GTF2H3: variants seen among roughly 807,000 people sequenced by gnomAD.
The protein encoded by GTF2H3 is TFIIH basal transcription factor complex p34 subunit.
Under a neutral mutation model 51.1 loss-of-function variants are expected in GTF2H3, and 42 were observed. The ratio of observed to expected loss-of-function variants is 0.82; its 90% CI spans 0.64 to 1.06. The LOEUF is 1.06. Among genes scored for constraint, GTF2H3 ranks in the 50% least tolerant of loss-of-function variants. The pLI is 0.00. For synonymous variants in GTF2H3, 123 were observed against 123.8 expected (o/e 0.99, Z 0.04); for missense variants, 326 against 366.1 (o/e 0.89, Z 0.89).
At chr12:123,642,492 A>T (rs573859342) in intron 2 of GTF2H3, among the ~76,000 whole-genome samples, 1 of 152,088 alleles carries the variant, frequency 6.6e-6, no homozygotes, top group Admixed American at 6.6e-5. Flanking sequence ...TTGTGATTCT[A>T]TTTCCAAAAA....
intron 7 of GTF2H3, among the ~76,000 whole-genome samples, chr12:123,653,003 G>C (rs1205501824): frequency 6.6e-6 from 1 of 152,056 alleles, no homozygotes; most frequent in Middle Eastern, 3.2e-3. Flanking sequence ...GTTTGAACCT[G>C]GGAGGCAGAG....
intron 3 of GTF2H3, among the ~76,000 whole-genome samples, 174 bp downstream of exon 3, chr12:123,645,735 C>T (rs1955437171): frequency 6.6e-6 from 1 of 152,168 alleles, no homozygotes; most frequent in South Asian, 2.1e-4. Context: ...ATGAAATTTG[C>T]AAACCTTATT....
intron 7 of GTF2H3, 67 bp from the exon 8 acceptor site, chr12:123,654,857 T>C: frequency 9.7e-7 from 1 of 1,026,926 alleles, no homozygotes; most frequent in Non-Finnish European, 1.6e-6. Context: ...TCGCAGTATA[T>C]TGTGTGACAT....
At chr12:123,645,707 A>C (rs1399390790) in intron 3 of GTF2H3, 146 bp downstream of exon 3, 1 of 591,444 alleles carries the variant, frequency 1.7e-6, no homozygotes, top group Non-Finnish European at 3.0e-6. Flanking sequence ...GAGCCAGTAC[A>C]TGTACATTGT....
chr12:123,659,985 A>G, intron 11 of GTF2H3, 55 bp downstream of exon 11: 2 of 1,600,764 alleles, frequency 1.2e-6, no homozygotes, highest in Non-Finnish European at 1.7e-6. Flanking sequence ...GCAGGAAAAC[A>G]GTTTCTCAGC....
chr12:123,639,886 T>TATGC (rs1955342506), intron 2 of GTF2H3: 7 of 390,966 alleles, frequency 1.8e-5, no homozygotes, highest in South Asian at 5.1e-5. Context: ...CACTTGTGTG[T>TATGC]ATGCGTGCGT....
chr12:123,654,870 G>T, intron 7 of GTF2H3, 54 bp from the exon 8 acceptor site: 3 of 1,168,456 alleles, frequency 2.6e-6, no homozygotes, highest in Non-Finnish European at 3.9e-6. Flanking sequence ...TGTGACATTG[G>T]TGTGAGAGGA....
intron 2 of GTF2H3, among the ~76,000 whole-genome samples, chr12:123,641,232 C>CT (rs59529596): frequency 0.14 from 20,139 of 146,082 alleles, 2,677 homozygotes; most frequent in African/African-American, 0.35. Flanking sequence ...TTGTGTATTT[C>CT]TTTTTTTTTT....
At chr12:123,638,612 C>T (rs1566222977) in intron 1 of GTF2H3, among the ~76,000 whole-genome samples, 1 of 151,434 alleles carries the variant, frequency 6.6e-6, no homozygotes, top group Admixed American at 6.6e-5. Flanking sequence ...ACCTGGCCCT[C>T]GTTCAGTAGA....
At chr12:123,651,915 G>A (rs1022809058) in intron 5 of GTF2H3, among the ~76,000 whole-genome samples, 16 of 151,874 alleles carry the variant, frequency 1.1e-4, no homozygotes, top group Admixed American at 8.5e-4. Context: ...TCTGCCTTCA[G>A]GAAACACTGC....
chr12:123,654,805 A>G (rs1955566088), intron 7 of GTF2H3, 119 bp from the exon 8 acceptor site: 4 of 725,862 alleles, frequency 5.5e-6, no homozygotes, highest in South Asian at 1.6e-5. Flanking sequence ...TCATTTAACA[A>G]TGATAAATGG....
chr12:123,660,308 G>A lies in GTF2H3; in HGVS notation c.*73G>A. On this transcript the variant is annotated 3_prime_UTR_variant, in exon 13 of 13. Coordinates refer to ENST00000543341, the MANE Select transcript of GTF2H3 (RefSeq NM_001516.5). ...TAGCAGATTCTTTGTTGGGAAGACT[G>A]AAAAAAATAAAGATAGGTATAGGAT... is the stretch of plus-strand genomic sequence containing the variant. 1 of 1,107,998 alleles carries A rather than the reference G, an allele frequency of 9.0e-7. No homozygotes were observed. Among genetic ancestry groups the A allele is most frequent in the Non-Finnish European group, 1.3e-6 (1 of 756,116 alleles). 68.6% of individuals were successfully genotyped at this position (1,107,998 alleles called of 1,614,324 possible). A position where few individuals can be genotyped will look rare whatever the true frequency, so the allele number is the denominator to read the frequency against.
Position 123,651,015 on chromosome 12 carries a change from C to G in GTF2H3, c.386C>G (p.Thr129Arg), listed in dbSNP as rs1955513096. ...MTKSDIKGQH[T>R]ETLLAGSLAK... ...GCAGGTGACATAAAGGGTCAACATA[C>G]AGAAACTTTGCTGGCAGGATCCCTG... The change falls in exon 5 of 13, where the codon ACA becomes AGA. Residue 129 changes from threonine to arginine, a missense_variant. Physicochemically the swap from Thr to Arg is moderately conservative, Grantham distance 71 (BLOSUM62 -1). Coordinates refer to ENST00000543341, the MANE Select transcript of GTF2H3 (RefSeq NM_001516.5). The G allele has an allele frequency of 6.2e-7, 1 of 1,612,926 alleles. No homozygotes were observed. Among genetic ancestry groups the G allele is most frequent in the Non-Finnish European group, 8.5e-7 (1 of 1,179,066 alleles).
At chr12:123,642,275 A>G (rs970425227) in intron 2 of GTF2H3, among the ~76,000 whole-genome samples, 3 of 151,368 alleles carry the variant, frequency 2.0e-5, no homozygotes, top group African/African-American at 7.3e-5. Flanking sequence ...AGTTCAAGCA[A>G]TTCTCCTGCC....
intron 4 of GTF2H3, among the ~76,000 whole-genome samples, chr12:123,648,575 C>G (rs1399844985): frequency 6.6e-6 from 1 of 152,160 alleles, no homozygotes; most frequent in Non-Finnish European, 1.5e-5. Context: ...GCTCAAATGC[C>G]TCCATTTCAG....
chr12:123,659,606 C>T lies in GTF2H3; in HGVS notation c.684+22C>T, dbSNP rs114301796. Reference sequence around the variant, plus strand: ...GCTGGTAAGGAGACAGCAGCGGCGACCCTGATGCCTGGAGGGAAGGATGAC... The same window carrying T: ...GCTGGTAAGGAGACAGCAGCGGCGATCCTGATGCCTGGAGGGAAGGATGAC... On this transcript the variant is annotated intron_variant, in intron 10 of 12. Coordinates refer to ENST00000543341, the MANE Select transcript of GTF2H3 (RefSeq NM_001516.5). 4.5e-4 allele frequency: 728 copies of T among 1,608,850 alleles called. 2 individuals carry two copies. The African/African-American group carries it at 7.5e-3, about 17-fold the overall frequency.
At chr12:123,648,615 C>G (rs1026907094) in intron 4 of GTF2H3, among the ~76,000 whole-genome samples, 2 of 152,138 alleles carry the variant, frequency 1.3e-5, no homozygotes, top group Non-Finnish European at 2.9e-5. Context: ...ATGGCCCAGG[C>G]TAGTCTCATT....
chr12:123,643,206 G>A (rs919528733), intron 2 of GTF2H3, among the ~76,000 whole-genome samples: 3 of 152,148 alleles, frequency 2.0e-5, no homozygotes, highest in Non-Finnish European at 4.4e-5. Context: ...AATTAGCTAT[G>A]GATACAAGAA....
intron 1 of GTF2H3, among the ~76,000 whole-genome samples, chr12:123,634,216 G>C (rs535539598): frequency 1.3e-5 from 2 of 152,300 alleles, no homozygotes; most frequent in East Asian, 3.9e-4. Context: ...CGAGGAGGGA[G>C]AATCGCTTGA....
Sources: gnomAD v4.1 joint callset for allele counts (sites outside exome capture counted in the v4.1 genomes callset) on GRCh38, gnomAD v4.1.1 for gene constraint, MANE v1.5 for transcripts, NCBI Gene and HGNC (gene_info 2026-07-23, HGNC 2026-07-21) for gene names.